The following DDR2 variants were observed in gnomAD, a reference collection of about 807,000 sequenced individuals.
DDR2 encodes discoidin domain-containing receptor 2.
DDR2 carries 27 observed loss-of-function variants against 94.9 expected under a neutral mutation model. The observed-to-expected ratio is 0.28, with a 90% CI of 0.21 to 0.39. The LOEUF (loss-of-function observed/expected upper bound fraction) is 0.39. DDR2 is among the 10% of genes least tolerant of loss of function. The pLI, the probability that DDR2 is intolerant of heterozygous loss-of-function variation, is 1.00. For synonymous variants in DDR2, 382 were observed against 377.2 expected, an observed-to-expected ratio of 1.01 and a Z score of -0.15; for missense variants, 783 against 1,076.0, an observed-to-expected ratio of 0.73 and a Z score of 3.81.
chr1:162,749,058 G>A (rs2102113449), intron 3 of DDR2, among the ~76,000 whole-genome samples: 1 of 152,270 alleles, frequency 6.6e-6, no homozygotes, highest in East Asian at 1.9e-4. Context: ...AAGCAGAAAA[G>A]ATCTAAAATT....
chr1:162,673,403 A>T (rs1322136062), intron 2 of DDR2, among the ~76,000 whole-genome samples: 1 of 152,156 alleles, frequency 6.6e-6, no homozygotes, highest in African/African-American at 2.4e-5. Context: ...GTAAAATTTT[A>T]AGGTGACATC....
chr1:162,742,755 G>T (rs1456497695), intron 3 of DDR2, among the ~76,000 whole-genome samples: 2 of 152,214 alleles, frequency 1.3e-5, no homozygotes, highest in Non-Finnish European at 2.9e-5. Flanking sequence ...GGAAGAAAAA[G>T]GGGTTTAATT....
At chr1:162,669,279 C>G (rs1658722466) in intron 2 of DDR2, among the ~76,000 whole-genome samples, 1 of 152,052 alleles carries the variant, frequency 6.6e-6, no homozygotes, top group South Asian at 2.1e-4. Context: ...AAAAATTCAC[C>G]AACCGGGGAA....
At chr1:162,659,340 G>C (rs1658176093) in intron 2 of DDR2, among the ~76,000 whole-genome samples, 1 of 152,120 alleles carries the variant, frequency 6.6e-6, no homozygotes, top group Admixed American at 6.6e-5. Context: ...CTAAGCCTTG[G>C]GGGCTAGGAA....
Position 162,784,346 on chromosome 1 carries a change from T to G in DDR2, c.*4100T>G, listed in dbSNP as rs1395183926. The stretch of plus-strand genomic sequence containing the variant: ...AATTGCAATACATGGCTACTAAGTC[T>G]TTGATCATAAGTCGAATTTATAGAC... On this transcript the variant is annotated 3_prime_UTR_variant, in exon 18 of 18. Transcript: ENST00000367921. 1.9e-5 allele frequency: 3 copies of G among 154,264 alleles called. No individual in the cohort carries two copies. The highest frequency in any genetic ancestry group is 2.9e-5 in the Non-Finnish European group (2 of 68,180). 9.6% of individuals were successfully genotyped at this position (154,264 alleles called of 1,614,324 possible). A position where few individuals can be genotyped will look rare whatever the true frequency, so the allele number is the denominator to read the frequency against.
chr1:162,719,454 C>T (rs1268159279), intron 3 of DDR2, among the ~76,000 whole-genome samples: 1 of 152,120 alleles, frequency 6.6e-6, no homozygotes, highest in Non-Finnish European at 1.5e-5. Flanking sequence ...CTGAGAAAAA[C>T]AGGACAGAAT....
At chr1:162,687,030 G>A (rs1404956467) in intron 2 of DDR2, among the ~76,000 whole-genome samples, 1 of 152,228 alleles carries the variant, frequency 6.6e-6, no homozygotes, top group African/African-American at 2.4e-5. Flanking sequence ...TTGGGGCTCA[G>A]GAGGGCTCCT....
At chr1:162,756,795 C>A in intron 7 of DDR2, among the ~76,000 whole-genome samples, 1 of 152,194 alleles carries the variant, frequency 6.6e-6, no homozygotes, top group Non-Finnish European at 1.5e-5. Flanking sequence ...AATCACTGTT[C>A]TTTCCTTTTT....
chr1:162,637,264 G>A (rs912280786), intron 1 of DDR2, among the ~76,000 whole-genome samples: 6 of 151,850 alleles, frequency 4.0e-5, no homozygotes, highest in Non-Finnish European at 7.4e-5. Context: ...ATCCACATTG[G>A]GTTAATAAAA....
intron 9 of DDR2, among the ~76,000 whole-genome samples, chr1:162,761,868 A>G (rs1319956550): frequency 6.6e-6 from 1 of 152,220 alleles, no homozygotes; most frequent in Admixed American, 6.5e-5. Flanking sequence ...ATATTTTGCC[A>G]TATTTGTTTC....
intron 9 of DDR2, 52 bp from the exon 10 acceptor site, chr1:162,765,949 C>T (rs1663968136): frequency 1.3e-6 from 2 of 1,577,216 alleles, no homozygotes; most frequent in South Asian, 1.1e-5. Flanking sequence ...TCAGAGAAAA[C>T]ACTAGCTGTC....
intron 1 of DDR2, among the ~76,000 whole-genome samples, chr1:162,645,251 A>G (rs956435377): frequency 7.9e-5 from 12 of 152,130 alleles, no homozygotes; most frequent in African/African-American, 2.7e-4. Flanking sequence ...TATTACTCAG[A>G]CCTGAATAAT....
In DDR2 at chr1:162,677,104, G is replaced by A. The variant is rs1034412245; in HGVS notation, c.-28+21730G>A. Among the ~76,000 whole-genome samples the A allele has an allele frequency of 2.0e-5, 3 of 152,200 alleles. No homozygotes were observed. The East Asian group carries it at 5.8e-4, about 29-fold the overall frequency. On this transcript the variant is annotated intron_variant, in intron 2 of 17. Coordinates refer to ENST00000367921, the MANE Select transcript of DDR2 (RefSeq NM_006182.4). Reference sequence around the variant, plus strand: ...GTTTGGGTTGATTCCAGCTTTGGATGCTGTGAGCTGGATCCCAGGAGCACA... The same window carrying A: ...GTTTGGGTTGATTCCAGCTTTGGATACTGTGAGCTGGATCCCAGGAGCACA...
At chr1:162,652,150 G>C (rs10753582) in intron 1 of DDR2, among the ~76,000 whole-genome samples, 139,297 of 152,236 alleles carry the variant, frequency 0.92, 64,311 homozygotes, top group Middle Eastern at 0.98. Context: ...ATATTAGTTT[G>C]CTCATTTGTA....
intron 2 of DDR2, among the ~76,000 whole-genome samples, chr1:162,683,674 A>G (rs1480104384): frequency 3.9e-5 from 6 of 152,136 alleles, no homozygotes; most frequent in Non-Finnish European, 8.8e-5. Flanking sequence ...TAAAACATAC[A>G]TAGGACTTGT....
chr1:162,689,085 T>C (rs1455150061), intron 2 of DDR2, among the ~76,000 whole-genome samples: 2 of 152,216 alleles, frequency 1.3e-5, no homozygotes, highest in African/African-American at 2.4e-5. Context: ...GCTTTAGATA[T>C]GATTTGCGCA....
At position 162,786,894 on chromosome 1, in the gene DDR2, T is replaced by C. The variant is rs1395412280; in HGVS notation, c.*6648T>C. ...ATTAACTGGTGATCCCTTATCGTTA[T>C]GGTTACAGACTTGTCTTGTTTGATA... On this transcript the variant is annotated 3_prime_UTR_variant, in exon 18 of 18. Transcript: ENST00000367921. 1.3e-5 allele frequency: 2 copies of C among 152,242 alleles called. No homozygotes were observed. The highest frequency in any genetic ancestry group is 2.9e-5 in the Non-Finnish European group (2 of 68,040). The allele number at this position is 152,242 out of a possible 1,614,324, so 9.4% of individuals were successfully genotyped here.
chr1:162,709,498 G>C (rs1186788654), intron 2 of DDR2, among the ~76,000 whole-genome samples: 1 of 152,200 alleles, frequency 6.6e-6, no homozygotes, highest in African/African-American at 2.4e-5. Context: ...TCCAATTGGA[G>C]AGAATTGAGA....
intron 2 of DDR2, among the ~76,000 whole-genome samples, chr1:162,718,539 A>G (rs539980494): frequency 4.6e-5 from 7 of 152,194 alleles, no homozygotes; most frequent in Admixed American, 2.6e-4. Flanking sequence ...ATTAGATATT[A>G]TGAATCATTT....
Sources: gnomAD v4.1 joint callset for allele counts (sites outside exome capture counted in the v4.1 genomes callset) on GRCh38, gnomAD v4.1.1 for gene constraint, MANE v1.5 for transcripts, NCBI Gene and HGNC (gene_info 2026-07-23, HGNC 2026-07-21) for gene names.